MED27: variants seen among roughly 807,000 people sequenced by gnomAD.
MED27 encodes mediator complex subunit 27, also known as mediator of RNA polymerase II transcription subunit 27.
In MED27, 30 loss-of-function variants were observed where a neutral mutation model predicts 38.2. That is an observed-to-expected ratio of 0.79 (90% CI 0.59 to 1.07). The LOEUF is 1.07. Among genes scored for constraint, MED27 ranks in the 50% least tolerant of loss-of-function variants. The probability of loss-of-function intolerance (pLI) is 0.00; values close to 1 mark genes in which losing one functional copy is unlikely to be tolerated. For missense variants in MED27, 289 were observed against 397.5 expected, an observed-to-expected ratio of 0.73 and a Z score of 2.32; for synonymous variants, 122 against 153.5, an observed-to-expected ratio of 0.79 and a Z score of 1.52.
intron 4 of MED27, among the ~76,000 whole-genome samples, chr9:131,923,203 T>A (rs1222327341): frequency 1.3e-5 from 2 of 152,218 alleles, no homozygotes; most frequent in Non-Finnish European, 1.5e-5. Flanking sequence ...TTAAAAACAA[T>A]CCATTGATAC....
intron 6 of MED27, among the ~76,000 whole-genome samples, chr9:131,876,439 G>C (rs1200279807): frequency 6.6e-6 from 1 of 152,212 alleles, no homozygotes; most frequent in East Asian, 1.9e-4. Flanking sequence ...AGCAGGGGCT[G>C]AGGGAGCCTT....
intron 3 of MED27, among the ~76,000 whole-genome samples, chr9:131,959,362 A>G (rs1300255482): frequency 6.6e-6 from 1 of 152,216 alleles, no homozygotes; most frequent in African/African-American, 2.4e-5. Context: ...AACTCAGTAC[A>G]TTGAACTCTG....
chr9:131,945,105 A>ATTTATATATAAATATATAAAAATATC (rs1260248247), intron 3 of MED27, among the ~76,000 whole-genome samples: 1 of 146,988 alleles, frequency 6.8e-6, no homozygotes, highest in African/African-American at 2.5e-5. Flanking sequence ...ATATAAAAAT[A>ATTTATATATAAATATATAAAAATATC]TTTATATATA....
chr9:131,902,323 C>T (rs191691302), intron 4 of MED27, among the ~76,000 whole-genome samples: 2 of 152,200 alleles, frequency 1.3e-5, no homozygotes, highest in East Asian at 3.9e-4. Context: ...TCGAGAGCTG[C>T]GGCAGCAAGG....
chr9:132,034,029 G>A (rs1833020366), intron 2 of MED27, among the ~76,000 whole-genome samples: 1 of 152,126 alleles, frequency 6.6e-6, no homozygotes, highest in Non-Finnish European at 1.5e-5. Context: ...ATATAACAGT[G>A]CCAATCTCAG....
At chr9:132,039,416 G>A (rs999394304) in intron 2 of MED27, among the ~76,000 whole-genome samples, 6 of 152,206 alleles carry the variant, frequency 3.9e-5, no homozygotes, top group Non-Finnish European at 1.5e-5. Flanking sequence ...GACTAGATGT[G>A]TTAATTCACG....
chr9:131,961,664 C>T (rs180998271), intron 3 of MED27, among the ~76,000 whole-genome samples: 3 of 152,298 alleles, frequency 2.0e-5, no homozygotes, highest in East Asian at 1.9e-4. Context: ...AGGACAGAAC[C>T]GCTGCTTTCG....
rs1183016506 is a variant in MED27, at chr9:131,982,842, C to T, written c.479+31495G>A. Among the ~76,000 whole-genome samples the T allele has an allele frequency of 6.6e-6, 1 of 152,242 alleles. No homozygotes were observed. The highest frequency in any genetic ancestry group is 6.5e-5 in the Admixed American group (1 of 15,282). On this transcript the variant is annotated intron_variant, in intron 3 of 7. Transcript: ENST00000292035. The surrounding 1 kb of genome is among the most constrained non-coding windows in gnomAD (Gnocchi z 4.3). ...CATATGTAATATGGAAATGAATGCG[C>T]ATGGCTGTGCTCAATAAAACTCTGT...
At chr9:132,038,188 C>CTTTTTTTT (rs144353393) in intron 2 of MED27, among the ~76,000 whole-genome samples, 2 of 125,718 alleles carry the variant, frequency 1.6e-5, no homozygotes, top group African/African-American at 3.3e-5. Context: ...AGGCATCCTT[C>CTTTTTTTT]TTTTTTTTTT....
At chr9:131,923,278 A>G (rs1211571608) in intron 4 of MED27, among the ~76,000 whole-genome samples, 1 of 152,184 alleles carries the variant, frequency 6.6e-6, no homozygotes, top group Non-Finnish European at 1.5e-5. Flanking sequence ...TTCCATCTTT[A>G]TAACTTCTCT....
intron 3 of MED27, among the ~76,000 whole-genome samples, chr9:132,009,003 C>T (rs1384518160): frequency 1.3e-5 from 2 of 152,222 alleles, no homozygotes; most frequent in Admixed American, 6.5e-5. Flanking sequence ...GGCTGGGCTT[C>T]CCCAAGTGGA....
chr9:131,909,002 G>T (rs1294184019), intron 4 of MED27, among the ~76,000 whole-genome samples: 1 of 152,082 alleles, frequency 6.6e-6, no homozygotes, highest in Non-Finnish European at 1.5e-5. Context: ...AAATGCCTCT[G>T]ACAATAGCAG....
chr9:132,061,949 CCTTCAGCAAGCCGAG>C (rs1438288632), intron 2 of MED27, among the ~76,000 whole-genome samples: 1 of 152,198 alleles, frequency 6.6e-6, no homozygotes, highest in East Asian at 1.9e-4. Flanking sequence ...TATGCATGCT[CCTTCAGCAAGCCGAG>C]CTGTGAGTGG....
At chr9:131,954,778 T>C (rs556460421) in intron 3 of MED27, among the ~76,000 whole-genome samples, 37 of 152,312 alleles carry the variant, frequency 2.4e-4, no homozygotes, top group African/African-American at 7.7e-4. Flanking sequence ...AAACCCATTA[T>C]TTATAAGCAA....
intron 3 of MED27, among the ~76,000 whole-genome samples, chr9:131,991,716 ATTTG>A (rs963799381): frequency 1.3e-5 from 2 of 152,082 alleles, no homozygotes; most frequent in Admixed American, 6.6e-5. Flanking sequence ...TCATTTATTT[ATTTG>A]TTTGTTTATT....
chr9:131,944,318 C>T (rs143285881), intron 3 of MED27, among the ~76,000 whole-genome samples: 1 of 152,220 alleles, frequency 6.6e-6, no homozygotes, highest in Admixed American at 6.5e-5. Flanking sequence ...ATAAATACCC[C>T]CCATTGCCAC....
chr9:132,016,063 T>C (rs1384536545), intron 2 of MED27, among the ~76,000 whole-genome samples: 1 of 152,234 alleles, frequency 6.6e-6, no homozygotes, highest in Non-Finnish European at 1.5e-5. Flanking sequence ...CCGAGTCAGC[T>C]GCATTACAGC....
At chr9:132,027,247 G>A (rs1296054096) in intron 2 of MED27, among the ~76,000 whole-genome samples, 2 of 152,174 alleles carry the variant, frequency 1.3e-5, no homozygotes, top group Non-Finnish European at 2.9e-5. Context: ...AGGTAGTAAG[G>A]GTCCACTCTG....
intron 2 of MED27, among the ~76,000 whole-genome samples, chr9:132,058,443 T>C (rs1833626755): frequency 6.6e-6 from 1 of 152,080 alleles, no homozygotes; most frequent in South Asian, 2.1e-4. Flanking sequence ...GATGGTATCA[T>C]AAGGGGCTTT....
Sources: allele counts gnomAD v4.1 joint callset (sites outside exome capture counted in the v4.1 genomes callset), GRCh38; gene constraint gnomAD v4.1.1; non-coding constraint Gnocchi (gnomAD v3.1); transcripts MANE v1.5; gene names NCBI Gene and HGNC (gene_info 2026-07-23, HGNC 2026-07-21).